Variants in CDH13 observed in about 807,000 individuals in gnomAD.
CDH13 encodes cadherin 13, also known as cadherin-13.
A neutral mutation model predicts 63.8 loss-of-function variants in CDH13; 24 were observed. The ratio of observed to expected loss-of-function variants is 0.38; its 90% CI spans 0.27 to 0.53. The LOEUF is 0.53. Ranked by LOEUF, CDH13 falls within the 20% of genes least tolerant of loss-of-function variation. The pLI is 0.85. For missense variants in CDH13, 1,049 were observed against 903.1 expected, an observed-to-expected ratio of 1.16 and a Z score of -2.07; for synonymous variants, 503 against 355.3, an observed-to-expected ratio of 1.42 and a Z score of -4.67.
At chr16:83,758,260 A>G (rs942275102) in intron 11 of CDH13, among the ~76,000 whole-genome samples, 3 of 152,174 alleles carry the variant, frequency 2.0e-5, no homozygotes, top group African/African-American at 7.2e-5. Context: ...CCAAAACCTG[A>G]CAAGATCTTA....
At chr16:83,494,127 C>T (rs891759471) in intron 7 of CDH13, among the ~76,000 whole-genome samples, 1 of 152,130 alleles carries the variant, frequency 6.6e-6, no homozygotes, top group Non-Finnish European at 1.5e-5. Flanking sequence ...ATGTTTAATT[C>T]TCTAAGATAT....
chr16:83,030,414 T>G (rs963094249), intron 2 of CDH13, among the ~76,000 whole-genome samples: 3 of 151,962 alleles, frequency 2.0e-5, no homozygotes, highest in African/African-American at 7.3e-5. Flanking sequence ...ATCCCAGTTC[T>G]TTGGGAGGCC....
intron 1 of CDH13, among the ~76,000 whole-genome samples, chr16:82,641,192 C>G (rs1364466213): frequency 6.6e-6 from 1 of 152,184 alleles, no homozygotes; most frequent in African/African-American, 2.4e-5. Context: ...GGTGTATTCA[C>G]TCGCCCTTAT....
chr16:83,336,867 A>C (rs993509784), intron 5 of CDH13, among the ~76,000 whole-genome samples: 1 of 152,196 alleles, frequency 6.6e-6, no homozygotes, highest in Non-Finnish European at 1.5e-5. Flanking sequence ...TTGGCTTTTA[A>C]GAGCCAGCTT....
chr16:83,324,111 C>T (rs1406702917), intron 5 of CDH13, among the ~76,000 whole-genome samples: 1 of 149,390 alleles, frequency 6.7e-6, no homozygotes, highest in Non-Finnish European at 1.5e-5. Flanking sequence ...AATCTTGGGT[C>T]ACTGCAACCT....
At chr16:82,961,583 A>AAAAAAAAC (rs1567697601) in intron 2 of CDH13, among the ~76,000 whole-genome samples, 1 of 151,424 alleles carries the variant, frequency 6.6e-6, no homozygotes, top group African/African-American at 2.4e-5. Flanking sequence ...AAAAAAAAAA[A>AAAAAAAAC]AAAAAAAAAA....
At chr16:83,368,408 G>T (rs1170466623) in intron 6 of CDH13, among the ~76,000 whole-genome samples, 1 of 152,144 alleles carries the variant, frequency 6.6e-6, no homozygotes, top group Non-Finnish European at 1.5e-5. Flanking sequence ...CATGACTTAG[G>T]ACGCATTTTC....
At chr16:83,235,911 A>C (rs2040129967) in intron 5 of CDH13, among the ~76,000 whole-genome samples, 1 of 152,148 alleles carries the variant, frequency 6.6e-6, no homozygotes, top group African/African-American at 2.4e-5. Flanking sequence ...TAAAGGATTA[A>C]AATATTTTCA....
chr16:82,721,939 A>G (rs188534389), intron 1 of CDH13, among the ~76,000 whole-genome samples: 1 of 152,060 alleles, frequency 6.6e-6, no homozygotes, highest in African/African-American at 2.4e-5. Context: ...CTTTCCTGAA[A>G]TGTAGTTGGG....
intron 1 of CDH13, among the ~76,000 whole-genome samples, chr16:82,748,365 C>T (rs189014153): frequency 6.6e-6 from 1 of 152,296 alleles, no homozygotes; most frequent in East Asian, 1.9e-4. Context: ...TTTATTCTGA[C>T]TTCCAGGACA....
chr16:83,513,565 G>A (rs1044502825), intron 7 of CDH13, among the ~76,000 whole-genome samples: 19 of 152,138 alleles, frequency 1.2e-4, no homozygotes, highest in African/African-American at 4.6e-4. Flanking sequence ...TGGCAGAAGG[G>A]AAAGTCAACC....
intron 1 of CDH13, among the ~76,000 whole-genome samples, chr16:82,634,624 T>A (rs1406426770): frequency 6.6e-6 from 1 of 152,260 alleles, no homozygotes; most frequent in Non-Finnish European, 1.5e-5. Flanking sequence ...TTATGGCTGC[T>A]TTTGTGCTAT....
At chr16:83,010,153 A>AAAAAAAAAAC (rs1913989253) in intron 2 of CDH13, among the ~76,000 whole-genome samples, 1 of 148,206 alleles carries the variant, frequency 6.7e-6, no homozygotes, top group Non-Finnish European at 1.5e-5. Flanking sequence ...AAAAAAAAAA[A>AAAAAAAAAAC]AAAAAAAAAC....
At chr16:83,268,407 G>T (rs1426876761) in intron 5 of CDH13, among the ~76,000 whole-genome samples, 1 of 152,124 alleles carries the variant, frequency 6.6e-6, no homozygotes, top group East Asian at 1.9e-4. Context: ...GCATTTCAGG[G>T]CAGTTGCCAC....
chr16:83,549,981 A>G (rs1056165841), intron 7 of CDH13, among the ~76,000 whole-genome samples: 13 of 152,188 alleles, frequency 8.5e-5, no homozygotes, highest in Non-Finnish European at 1.3e-4. Flanking sequence ...TCATATAGAA[A>G]GGAGACAGGG....
chr16:82,847,317 A>G (rs1385169696), intron 1 of CDH13, among the ~76,000 whole-genome samples: 1 of 152,220 alleles, frequency 6.6e-6, no homozygotes, highest in African/African-American at 2.4e-5. Flanking sequence ...TCACTGGACT[A>G]AAATCAAGGT....
chr16:82,851,498 A>G (rs904113416), intron 1 of CDH13, among the ~76,000 whole-genome samples: 1 of 152,070 alleles, frequency 6.6e-6, no homozygotes, highest in East Asian at 1.9e-4. Flanking sequence ...GACGAAACTA[A>G]AAGCAGTCTC....
intron 11 of CDH13, among the ~76,000 whole-genome samples, chr16:83,748,925 A>C (rs552028304): frequency 6.6e-6 from 1 of 152,282 alleles, no homozygotes; most frequent in Middle Eastern, 3.4e-3. Context: ...AAGGAGGGCA[A>C]CCTCTTAGGA....
chr16:83,464,293 A>C (rs1207982256), intron 6 of CDH13, among the ~76,000 whole-genome samples: 1 of 152,086 alleles, frequency 6.6e-6, no homozygotes, highest in Non-Finnish European at 1.5e-5. Context: ...TGGGTGGATC[A>C]TGTGAAGTCA....
Sources: gnomAD v4.1 joint callset for allele counts (sites outside exome capture counted in the v4.1 genomes callset) on GRCh38, gnomAD v4.1.1 for gene constraint, MANE v1.5 for transcripts, NCBI Gene and HGNC (gene_info 2026-07-23, HGNC 2026-07-21) for gene names.